ZNF510: variants seen among roughly 807,000 people sequenced by gnomAD.
ZNF510 encodes zinc finger protein 510.
Under a neutral mutation model 18.1 loss-of-function variants are expected in ZNF510, and 15 were observed. That is an observed-to-expected ratio of 0.83 (90% CI 0.55 to 1.28). ZNF510 has a LOEUF of 1.28. Ranked by LOEUF, ZNF510 falls within the 50% of genes most tolerant of loss-of-function variation. The pLI, the probability that ZNF510 is intolerant of heterozygous loss-of-function variation, is 0.00. For synonymous variants in ZNF510, 261 were observed against 266.4 expected, an observed-to-expected ratio of 0.98 and a Z score of 0.20; for missense variants, 724 against 791.8, an observed-to-expected ratio of 0.91 and a Z score of 1.03.
chr9:96,765,519 CTT>C (rs796308923), intron 3 of ZNF510, among the ~76,000 whole-genome samples: 3 of 144,188 alleles, frequency 2.1e-5, no homozygotes, highest in Admixed American at 7.0e-5. Flanking sequence ...TTCACTTTTT[CTT>C]TTTTTTTTTT....
intron 3 of ZNF510, among the ~76,000 whole-genome samples, chr9:96,773,453 C>T (rs535885680): frequency 6.6e-6 from 1 of 152,172 alleles, no homozygotes; most frequent in East Asian, 1.9e-4. Flanking sequence ...TTCTCAATTC[C>T]TTACAGGAAA....
intron 3 of ZNF510, 30 bp from the exon 4 acceptor site, chr9:96,763,662 A>C: frequency 6.4e-7 from 1 of 1,563,660 alleles, no homozygotes; most frequent in Non-Finnish European, 8.7e-7. Flanking sequence ...TTCAATCTGA[A>C]GGGTTCAGAA....
At chr9:96,772,585 C>T (rs751591502) in intron 3 of ZNF510, among the ~76,000 whole-genome samples, 1 of 151,980 alleles carries the variant, frequency 6.6e-6, no homozygotes, top group Non-Finnish European at 1.5e-5. Flanking sequence ...TTATATATTA[C>T]ATAAAAAGAA....
intron 5 of ZNF510, among the ~76,000 whole-genome samples, chr9:96,761,487 A>ACACT (rs112190307): frequency 0.019 from 2,832 of 152,318 alleles, 77 homozygotes; most frequent in African/African-American, 0.063. Context: ...TATTAAGTGA[A>ACACT]CACTCATGGA....
At chr9:96,777,486 A>G (rs1337055267) in intron 1 of ZNF510, 2 of 152,232 alleles carry the variant, frequency 1.3e-5, no homozygotes, top group East Asian at 3.8e-4. Flanking sequence ...TACTACATGA[A>G]AAGAACAAAG....
intron 1 of ZNF510, chr9:96,777,549 G>A (rs1199930855): frequency 2.0e-5 from 3 of 152,138 alleles, no homozygotes; most frequent in African/African-American, 4.8e-5. Context: ...AGTAACTAGC[G>A]CTTAGCTAAA....
At chr9:96,769,689 G>A (rs1004078412) in intron 3 of ZNF510, among the ~76,000 whole-genome samples, 17 of 152,160 alleles carry the variant, frequency 1.1e-4, no homozygotes, top group African/African-American at 4.1e-4. Context: ...TTTAATAAAT[G>A]TCTAGTAGCC....
At chr9:96,771,252 A>G (rs1366723996) in intron 3 of ZNF510, among the ~76,000 whole-genome samples, 1 of 152,206 alleles carries the variant, frequency 6.6e-6, no homozygotes, top group African/African-American at 2.4e-5. Context: ...AATTGAATCC[A>G]GAAATAACTT....
At chr9:96,764,266 A>T (rs962515423) in intron 3 of ZNF510, among the ~76,000 whole-genome samples, 2 of 152,218 alleles carry the variant, frequency 1.3e-5, no homozygotes, top group African/African-American at 4.8e-5. Context: ...GGCATACATC[A>T]TGGCAGGAGT....
intron 3 of ZNF510, among the ~76,000 whole-genome samples, chr9:96,770,384 G>C (rs180803945): frequency 1.2e-3 from 183 of 151,114 alleles, no homozygotes; most frequent in Non-Finnish European, 2.5e-3. Flanking sequence ...GAGGTCAGGC[G>C]CTCGAGACCA....
At chr9:96,776,285 G>A in intron 1 of ZNF510, 40 bp from the exon 2 acceptor site, 1 of 813,424 alleles carries the variant, frequency 1.2e-6, no homozygotes. Flanking sequence ...AGAAGCTGGG[G>A]CTGATGCCTG....
chr9:96,776,367 G>A, intron 1 of ZNF510, 122 bp from the exon 2 acceptor site: 1 of 342,916 alleles, frequency 2.9e-6, no homozygotes, highest in South Asian at 4.1e-5. Flanking sequence ...CTTCCATTTT[G>A]GGCTGGATAA....
At chr9:96,772,629 T>G (rs1849605823) in intron 3 of ZNF510, among the ~76,000 whole-genome samples, 1 of 152,126 alleles carries the variant, frequency 6.6e-6, no homozygotes, top group Non-Finnish European at 1.5e-5. Context: ...CAAACAATGG[T>G]GCCCAACATT....
At chr9:96,771,270 T>C (rs1588131987) in intron 3 of ZNF510, among the ~76,000 whole-genome samples, 1 of 152,280 alleles carries the variant, frequency 6.6e-6, no homozygotes, top group Admixed American at 6.5e-5. Context: ...CTTAAAGTGA[T>C]AGCACTACCT....
chr9:96,758,482 T>C lies in ZNF510; in HGVS notation c.*296A>G. On this transcript the variant is annotated 3_prime_UTR_variant, in exon 6 of 6. Coordinates refer to ENST00000223428, the MANE Select transcript of ZNF510 (RefSeq NM_014930.3). ...GGTGCTGGTGAAGAGATTACCAGCC[T>C]GTGTGATGTGTGGGAGCTATCTAAT... The C allele has an allele frequency of 3.7e-6, 1 of 273,028 alleles. No homozygotes were observed. The highest frequency in any genetic ancestry group is 6.9e-6 in the Non-Finnish European group (1 of 144,908). The allele number at this position is 273,028 out of a possible 1,614,324, so 16.9% of individuals were successfully genotyped here.
At chr9:96,765,036 C>T (rs1407169740) in intron 3 of ZNF510, among the ~76,000 whole-genome samples, 1 of 152,028 alleles carries the variant, frequency 6.6e-6, no homozygotes, top group East Asian at 1.9e-4. Context: ...TCGTTTGGAC[C>T]TGGGAGGCGG....
At chr9:96,764,946 CTA>C (rs1311181288) in intron 3 of ZNF510, among the ~76,000 whole-genome samples, 1 of 152,034 alleles carries the variant, frequency 6.6e-6, no homozygotes, top group African/African-American at 2.4e-5. Context: ...AACCCCATCT[CTA>C]TTAAAAATAC....
rs200434084 is a variant in ZNF510, at chr9:96,772,933, TC to T, written c.129+1854del. Among the ~76,000 whole-genome samples, 991 of 152,226 alleles carry T rather than the reference TC, an allele frequency of 6.5e-3. 15 individuals carry two copies. Among genetic ancestry groups the T allele is most frequent in the Non-Finnish European group, 6.7e-3 (453 of 67,998 alleles). On this transcript the variant is annotated intron_variant, in intron 3 of 5. Coordinates refer to ENST00000223428, the MANE Select transcript of ZNF510 (RefSeq NM_014930.3). Reference sequence around the variant, plus strand: ...AAAAGAATATTCACAGCAGCCTTATTCCTGATAGCCTCAAACAGGAAAAACA... The same window carrying T: ...AAAAGAATATTCACAGCAGCCTTATTCTGATAGCCTCAAACAGGAAAAACA...
intron 3 of ZNF510, among the ~76,000 whole-genome samples, chr9:96,770,387 C>A (rs535856391): frequency 1.3e-5 from 2 of 149,868 alleles, no homozygotes; most frequent in South Asian, 4.2e-4. Flanking sequence ...GTCAGGCGCT[C>A]GAGACCAGCC....
Sources: gnomAD v4.1 joint callset for allele counts (sites outside exome capture counted in the v4.1 genomes callset) on GRCh38, gnomAD v4.1.1 for gene constraint, MANE v1.5 for transcripts, NCBI Gene and HGNC (gene_info 2026-07-23, HGNC 2026-07-21) for gene names.